Variants in CYP2C19 observed in about 807,000 individuals in gnomAD.
The protein encoded by CYP2C19 is cytochrome P450 family 2 subfamily C member 19, also known as cytochrome P450 2C19.
Under a neutral mutation model 40.9 loss-of-function variants are expected in CYP2C19, and 59 were observed. That is an observed-to-expected ratio of 1.44 (90% CI 1.17 to 1.79). The LOEUF (loss-of-function observed/expected upper bound fraction) is 1.79. Among genes scored for constraint, CYP2C19 ranks in the 40% most tolerant of loss-of-function variants. CYP2C19 has a pLI of 0.00. For missense variants in CYP2C19, 754 were observed against 596.9 expected (o/e 1.26, Z -2.74); for synonymous variants, 253 against 208.7 (o/e 1.21, Z -1.83).
At chr10:94,796,611 T>C (rs907750208) in intron 5 of CYP2C19, among the ~76,000 whole-genome samples, 2 of 152,178 alleles carry the variant, frequency 1.3e-5, no homozygotes, top group Non-Finnish European at 2.9e-5. Flanking sequence ...ACGATATTGA[T>C]TCTTCCTATC....
chr10:94,851,587 A>C (rs559262435), intron 8 of CYP2C19, among the ~76,000 whole-genome samples: 1 of 152,276 alleles, frequency 6.6e-6, no homozygotes, highest in African/African-American at 2.4e-5. Context: ...AATAACAGAA[A>C]TTTATTTCTC....
rs1446333638 is a variant in CYP2C19 at position 94,780,600 on chromosome 10, C to T, written c.583C>T (p.Leu195Phe). Residue 195 changes from leucine (L) to phenylalanine (F), a missense_variant, in exon 4 of 9, where the codon CTT becomes TTT. Leu to Phe is a conservative substitution (Grantham distance 22, BLOSUM62 0). Transcript: ENST00000371321. The stretch of plus-strand genomic sequence containing the variant: ...TTTCGATTATAAAGATCAGCAATTT[C>T]TTAACTTGATGGAAAAATTGAATGA... ...KRFDYKDQQF[L>F]NLMEKLNENI... The T allele has an allele frequency of 2.5e-6, 4 of 1,613,714 alleles. No homozygotes were observed. The East Asian group carries it at 6.7e-5, about 27-fold the overall frequency.
chr10:94,852,696 A>T (rs369734369), intron 8 of CYP2C19, 37 bp from the exon 9 acceptor site: 119 of 1,599,128 alleles, frequency 7.4e-5, no homozygotes, highest in Admixed American at 1.0e-4. Flanking sequence ...ACAGTTACAC[A>T]TGAGGAGTAA....
At chr10:94,846,400 A>G (rs188488212) in intron 7 of CYP2C19, among the ~76,000 whole-genome samples, 21 of 152,354 alleles carry the variant, frequency 1.4e-4, no homozygotes, top group African/African-American at 4.8e-4. Context: ...AATGTTACAT[A>G]TGCTATTACT....
intron 5 of CYP2C19, among the ~76,000 whole-genome samples, chr10:94,813,783 A>G (rs1482503575): frequency 6.6e-6 from 1 of 150,686 alleles, no homozygotes; most frequent in African/African-American, 2.5e-5. Flanking sequence ...TCCTCTTTCC[A>G]GGGGACTGAA....
intron 1 of CYP2C19, among the ~76,000 whole-genome samples, chr10:94,766,725 G>C (rs1005901817): frequency 7.9e-5 from 12 of 152,048 alleles, no homozygotes; most frequent in Admixed American, 2.0e-4. Context: ...ACAGTTCGCA[G>C]GTGTATTGAG....
Position 94,775,109 on chromosome 10 carries a change from A to G in CYP2C19, c.220A>G (p.Met74Val). The G allele has an allele frequency of 1.2e-6, 2 of 1,614,122 alleles. No individual in the cohort carries two copies. The highest frequency in any genetic ancestry group is 1.7e-6 in the Non-Finnish European group (2 of 1,180,026). ...VFTLYFGLER[M>V]VVLHGYEVVK... is the part of the protein sequence containing the mutation. ...CACTCTGTATTTTGGCCTGGAACGCATGGTGGTGCTGCATGGATATGAAGT... is the reference window on the plus strand; with the variant it reads ...CACTCTGTATTTTGGCCTGGAACGCGTGGTGGTGCTGCATGGATATGAAGT... The change falls in exon 2 of 9, where the codon ATG becomes GTG. Residue 74 changes from methionine to valine, a missense_variant. Met to Val is a conservative substitution (Grantham distance 21, BLOSUM62 1). Transcript: ENST00000371321.
intron 8 of CYP2C19, 26 bp from the exon 9 acceptor site, chr10:94,852,707 C>T (rs1457909401): frequency 6.2e-7 from 1 of 1,611,474 alleles, no homozygotes; most frequent in South Asian, 1.1e-5. Flanking sequence ...TGAGGAGTAA[C>T]TTCTCCCTAT....
rs1406158087 is a variant in CYP2C19 at position 94,780,537 on chromosome 10, C to G, written c.520C>G (p.Pro174Ala). 6.2e-7 allele frequency: 1 copy of G among 1,613,818 alleles called. No homozygotes were observed. Among genetic ancestry groups the G allele is most frequent in the South Asian group, 1.1e-5 (1 of 91,062 alleles). Reference sequence around the variant, plus strand: ...TCCCACTTTCATCCTGGGCTGTGCTCCCTGCAATGTGATCTGCTCCATTAT... The same window carrying G: ...TCCCACTTTCATCCTGGGCTGTGCTGCCTGCAATGTGATCTGCTCCATTAT... ...CDPTFILGCA[P>A]CNVICSIIFQ... Residue 174 changes from proline to alanine, a missense_variant, in exon 4 of 9, where the codon CCC (proline) becomes GCC (alanine). Pro to Ala is a conservative substitution (Grantham distance 27). Transcript: ENST00000371321.
chr10:94,823,547 A>G (rs1400374930), intron 6 of CYP2C19, among the ~76,000 whole-genome samples: 1 of 152,196 alleles, frequency 6.6e-6, no homozygotes, highest in African/African-American at 2.4e-5. Context: ...ATTATCTTCA[A>G]TGTCTAACAG....
chr10:94,820,680 G>A (rs761904410), intron 6 of CYP2C19, 43 bp downstream of exon 6: 7 of 1,612,284 alleles, frequency 4.3e-6, no homozygotes, highest in East Asian at 2.2e-5. Context: ...TAGGAAAGAT[G>A]TTGGGAAGGT....
chr10:94,811,730 G>T (rs920737202), intron 5 of CYP2C19, among the ~76,000 whole-genome samples: 38 of 151,926 alleles, frequency 2.5e-4, no homozygotes, highest in Admixed American at 5.9e-4. Context: ...CATTTGCTTG[G>T]TAAATATTCC....
intron 6 of CYP2C19, among the ~76,000 whole-genome samples, chr10:94,834,581 G>T (rs545898600): frequency 2.0e-5 from 3 of 148,822 alleles, no homozygotes; most frequent in Non-Finnish European, 1.5e-5. Flanking sequence ...GCAGTTGCAA[G>T]ATTTAATAGG....
Position 94,853,608 on chromosome 10 carries a change from C to G in CYP2C19, c.*694C>G, listed in dbSNP as rs1259887912. On this transcript the variant is annotated 3_prime_UTR_variant, in exon 9 of 9. Coordinates refer to ENST00000371321, the MANE Select transcript of CYP2C19 (RefSeq NM_000769.4). ...TCTCCCAGGCTGGAGTGCAGTGGTG[C>G]AATCTCGGCTCACTGTAACCTTCGC... Among the ~76,000 whole-genome samples, 1 of 146,974 alleles carries G rather than the reference C, an allele frequency of 6.8e-6. No individual in the cohort carries two copies. The highest frequency in any genetic ancestry group is 2.5e-5 in the African/African-American group (1 of 39,534).
chr10:94,836,782 G>T (rs1411146054), intron 6 of CYP2C19, among the ~76,000 whole-genome samples: 1 of 152,220 alleles, frequency 6.6e-6, no homozygotes, highest in Non-Finnish European at 1.5e-5. Flanking sequence ...TGTAGCCACA[G>T]GTAGTGAGGA....
At chr10:94,788,039 T>C (rs769588217) in intron 5 of CYP2C19, among the ~76,000 whole-genome samples, 1 of 152,112 alleles carries the variant, frequency 6.6e-6, no homozygotes, top group Non-Finnish European at 1.5e-5. Context: ...ATCTATGATT[T>C]TGTTCAACAG....
chr10:94,779,651 C>T (rs1187059916), intron 3 of CYP2C19, among the ~76,000 whole-genome samples: 1 of 149,824 alleles, frequency 6.7e-6, no homozygotes, highest in Non-Finnish European at 1.5e-5. Flanking sequence ...ACCTCTGCCT[C>T]CTGGATTCAA....
intron 6 of CYP2C19, among the ~76,000 whole-genome samples, chr10:94,821,100 A>G (rs780685938): frequency 6.6e-6 from 1 of 152,058 alleles, no homozygotes; most frequent in Non-Finnish European, 1.5e-5. Context: ...AAAAAAAAGG[A>G]AAAGAAAAGA....
intron 5 of CYP2C19, among the ~76,000 whole-genome samples, chr10:94,807,670 G>A (rs970205611): frequency 6.6e-6 from 1 of 151,896 alleles, no homozygotes; most frequent in African/African-American, 2.4e-5. Flanking sequence ...ATACCTATTG[G>A]CCACTTGTAT....
Sources: gnomAD v4.1 joint callset for allele counts (sites outside exome capture counted in the v4.1 genomes callset) on GRCh38, gnomAD v4.1.1 for gene constraint, MANE v1.5 for transcripts, NCBI Gene and HGNC (gene_info 2026-07-23, HGNC 2026-07-21) for gene names.